The following ASCC3 variants were observed in gnomAD, a reference collection of about 807,000 sequenced individuals.
The protein encoded by ASCC3 is activating signal cointegrator 1 complex subunit 3.
Under a neutral mutation model 256.3 loss-of-function variants are expected in ASCC3, and 158 were observed. That is an observed-to-expected ratio of 0.62 (90% CI 0.54 to 0.70). ASCC3 has a LOEUF of 0.70. ASCC3 is among the 30% of genes least tolerant of loss of function. ASCC3 has a pLI of 0.00. For synonymous variants in ASCC3, 948 were observed against 883.4 expected (o/e 1.07, Z -1.30); for missense variants, 2,259 against 2,626.0 (o/e 0.86, Z 3.05).
chr6:100,697,915 G>A (rs191761199), intron 13 of ASCC3, among the ~76,000 whole-genome samples: 94 of 152,184 alleles, frequency 6.2e-4, no homozygotes, highest in Non-Finnish European at 1.0e-3. Flanking sequence ...CATGCACAAA[G>A]GCAGATCTAA....
chr6:100,604,600 GCTAA>G (rs1037515575), intron 33 of ASCC3, among the ~76,000 whole-genome samples: 1 of 151,554 alleles, frequency 6.6e-6, no homozygotes, highest in African/African-American at 2.4e-5. Flanking sequence ...ACTATGCCTG[GCTAA>G]CTTTTTTTTT....
At chr6:100,757,737 A>G (rs955439739) in intron 10 of ASCC3, among the ~76,000 whole-genome samples, 1 of 152,172 alleles carries the variant, frequency 6.6e-6, no homozygotes, top group Non-Finnish European at 1.5e-5. Context: ...TGAAAAGTGA[A>G]AAAAGAAGTA....
chr6:100,846,413 T>C (rs705593), intron 4 of ASCC3, among the ~76,000 whole-genome samples: 109,613 of 152,112 alleles, frequency 0.72, 39,758 homozygotes, highest in African/African-American at 0.76. Flanking sequence ...TACATAAAAC[T>C]ATACAGAACT....
At chr6:100,788,950 T>C (rs772582779) in intron 8 of ASCC3, among the ~76,000 whole-genome samples, 2 of 151,994 alleles carry the variant, frequency 1.3e-5, no homozygotes, top group Non-Finnish European at 2.9e-5. Flanking sequence ...TTTTTGTTCA[T>C]GTTGATATTT....
rs187986425 is a variant in ASCC3, at chr6:100,818,940, G to C, written c.802-13060C>G. 7.8e-3 allele frequency among the ~76,000 whole-genome samples: 1,185 copies of C among 152,146 alleles called. 10 individuals carry two copies. The highest frequency in any genetic ancestry group is 0.012 in the Non-Finnish European group (815 of 67,994). On this transcript the variant is annotated intron_variant, in intron 4 of 41. Transcript: ENST00000369162. ...GAAAATGTCCATCAGTGATAGACTG[G>C]ATTAAGAAAATGTGGCACATATACA... is the stretch of plus-strand genomic sequence containing the variant.
At chr6:100,838,446 CAT>C (rs1455095241) in intron 4 of ASCC3, among the ~76,000 whole-genome samples, 1 of 151,868 alleles carries the variant, frequency 6.6e-6, no homozygotes, top group Non-Finnish European at 1.5e-5. Flanking sequence ...TCATAAATAA[CAT>C]AAGAAAATGA....
intron 40 of ASCC3, among the ~76,000 whole-genome samples, chr6:100,511,556 C>T (rs1210837998): frequency 3.9e-5 from 6 of 152,078 alleles, no homozygotes; most frequent in African/African-American, 1.4e-4. Context: ...CATGGTGAAA[C>T]CCTATCTCTA....
chr6:100,544,821 C>T (rs1201707265), intron 36 of ASCC3, among the ~76,000 whole-genome samples: 1 of 152,092 alleles, frequency 6.6e-6, no homozygotes, highest in Non-Finnish European at 1.5e-5. Flanking sequence ...TTTGATGGCA[C>T]CAGTTCTGTC....
chr6:100,598,218 C>T (rs1291453151), intron 34 of ASCC3, among the ~76,000 whole-genome samples: 1 of 152,080 alleles, frequency 6.6e-6, no homozygotes, highest in East Asian at 1.9e-4. Context: ...AGATACTCAA[C>T]CCTCTTTTTG....
In ASCC3 at chr6:100,572,111, TC is replaced by T. The variant is rs554806102; in HGVS notation, c.5550+17522del. Among the ~76,000 whole-genome samples, 391 of 151,524 alleles carry T rather than the reference TC, an allele frequency of 2.6e-3. 2 individuals are homozygous for T. Among genetic ancestry groups the T allele is most frequent in the Non-Finnish European group, 4.8e-3 (329 of 67,848 alleles). On this transcript the variant is annotated intron_variant, in intron 36 of 41. Coordinates refer to ENST00000369162, the MANE Select transcript of ASCC3 (RefSeq NM_006828.4). ...CGATGCTATAGATTGAATATTTGTA[TC>T]CCCCCCCATTAATATGTTAAACCTG...
chr6:100,659,588 T>G (rs1278993380), intron 16 of ASCC3, among the ~76,000 whole-genome samples: 1 of 151,458 alleles, frequency 6.6e-6, no homozygotes, highest in Admixed American at 6.6e-5. Context: ...TTTGATAAAT[T>G]TATGGGCCCT....
chr6:100,745,937 A>G (rs1055974670), intron 10 of ASCC3, among the ~76,000 whole-genome samples: 1 of 151,936 alleles, frequency 6.6e-6, no homozygotes. Context: ...AATTTCTTTT[A>G]GATATATATC....
intron 13 of ASCC3, among the ~76,000 whole-genome samples, chr6:100,688,110 T>C (rs1288951124): frequency 1.3e-5 from 2 of 152,024 alleles, no homozygotes; most frequent in East Asian, 1.9e-4. Flanking sequence ...TAAAACAATA[T>C]TGATTTTAAT....
chr6:100,773,427 T>G (rs1468822736), intron 8 of ASCC3, among the ~76,000 whole-genome samples: 1 of 152,180 alleles, frequency 6.6e-6, no homozygotes, highest in African/African-American at 2.4e-5. Context: ...CCAAGACTTC[T>G]CATTGACTCT....
chr6:100,809,109 T>C (rs1770332022), intron 4 of ASCC3, among the ~76,000 whole-genome samples: 1 of 151,996 alleles, frequency 6.6e-6, no homozygotes, highest in South Asian at 2.1e-4. Context: ...AGGCCTAGGA[T>C]GTTAATGTAC....
chr6:100,610,330 T>C (rs1773330720), intron 30 of ASCC3, among the ~76,000 whole-genome samples: 1 of 152,182 alleles, frequency 6.6e-6, no homozygotes, highest in Admixed American at 6.5e-5. Context: ...CTTGAGAAAC[T>C]ATTGCTGCTG....
At chr6:100,869,165 G>C (rs1773620732) in intron 1 of ASCC3, among the ~76,000 whole-genome samples, 1 of 152,148 alleles carries the variant, frequency 6.6e-6, no homozygotes, top group South Asian at 2.1e-4. Context: ...GGTGGAAGGG[G>C]ACTACTGATT....
At position 100,638,662 on chromosome 6, in the gene ASCC3, C is replaced by T; in HGVS notation, c.4061G>A (p.Gly1354Glu). ...GGCTAATTCAGCTGCAACAGTCTTT[C>T]CCGATCCAGTAGGTGCTCCAAGTAG... Reference protein sequence around the residue: ...NVLLGAPTGSGKTVAAELAIF... With the variant: ...NVLLGAPTGSEKTVAAELAIF... Residue 1354 changes from glycine to glutamate, a missense_variant, in exon 25 of 42, where the codon GGA becomes GAA. Physicochemically the swap from Gly to Glu is moderately conservative, Grantham distance 98 (BLOSUM62 -2). Coordinates refer to ENST00000369162, the MANE Select transcript of ASCC3 (RefSeq NM_006828.4). The T allele has an allele frequency of 6.2e-7, 1 of 1,613,974 alleles. No homozygotes were observed. The highest frequency in any genetic ancestry group is 1.3e-5 in the African/African-American group (1 of 75,020).
chr6:100,685,398 G>T (rs137949853), intron 13 of ASCC3, among the ~76,000 whole-genome samples: 1 of 152,166 alleles, frequency 6.6e-6, no homozygotes, highest in Non-Finnish European at 1.5e-5. Context: ...AGAGAATTAA[G>T]CCCTAAAGAC....
Sources: gnomAD v4.1 joint callset for allele counts (sites outside exome capture counted in the v4.1 genomes callset) on GRCh38, gnomAD v4.1.1 for gene constraint, MANE v1.5 for transcripts, NCBI Gene and HGNC (gene_info 2026-07-23, HGNC 2026-07-21) for gene names.